Variants in SLC25A33 observed in about 807,000 individuals in gnomAD.
SLC25A33 encodes the protein bone marrow stromal cell mitochondrial carrier protein.
SLC25A33 carries 15 observed loss-of-function variants against 35.5 expected under a neutral mutation model. The ratio of observed to expected loss-of-function variants is 0.42; its 90% CI spans 0.28 to 0.65. The LOEUF (loss-of-function observed/expected upper bound fraction) is 0.65. SLC25A33 is among the 30% of genes least tolerant of loss of function. The pLI is 0.20. For missense variants in SLC25A33, 257 were observed against 398.5 expected (o/e 0.64, Z 3.02); for synonymous variants, 136 against 148.7 (o/e 0.91, Z 0.62).
intron 6 of SLC25A33, 79 bp downstream of exon 6, chr1:9,580,313 G>C: frequency 2.6e-6 from 4 of 1,537,876 alleles, no homozygotes; most frequent in Non-Finnish European, 2.6e-6. Flanking sequence ...AGACTTCTGA[G>C]GCGCACATTG....
In SLC25A33 at chr1:9,578,426, C is replaced by T. The variant is rs950062215; in HGVS notation, c.483-1528C>T. On this transcript the variant is annotated intron_variant, in intron 5 of 6. Coordinates refer to ENST00000302692, the MANE Select transcript of SLC25A33 (RefSeq NM_032315.3). The surrounding 1 kb of genome is among the most constrained non-coding windows in gnomAD (Gnocchi z 4.3). ...ACACCTAACTACACTCATCTGGTGG[C>T]TCACTCTTGCCTTGCAGCCAGGCAG... is the stretch of plus-strand genomic sequence containing the variant. Among the ~76,000 whole-genome samples, 1 of 152,244 alleles carries T rather than the reference C, an allele frequency of 6.6e-6. No homozygotes were observed.
chr1:9,584,148 G>A lies in SLC25A33; in HGVS notation c.*1647G>A, dbSNP rs556809193. ...TTGAGTATATTGTACATGAAGGTTG[G>A]TTTTCAATTTGAACGTCTAGAAAGA... On this transcript the variant is annotated 3_prime_UTR_variant, in exon 7 of 7. Coordinates refer to ENST00000302692, the MANE Select transcript of SLC25A33 (RefSeq NM_032315.3). The A allele has an allele frequency of 6.6e-6, 1 of 152,256 alleles. No homozygotes were observed. Among genetic ancestry groups the A allele is most frequent in the East Asian group, 1.9e-4 (1 of 5,188 alleles). The allele number at this position is 152,256 out of a possible 1,614,324, so 9.4% of individuals were successfully genotyped here. A position where few individuals can be genotyped will look rare whatever the true frequency, so the allele number is the denominator to read the frequency against.
rs532308777 is a variant in SLC25A33, at chr1:9,567,341, G to T, written c.294G>T (p.Leu98Phe). 3.1e-6 allele frequency: 5 copies of T among 1,613,936 alleles called. No homozygotes were observed. The highest frequency in any genetic ancestry group is 1.7e-5 in the Admixed American group (1 of 59,994). The change falls in exon 3 of 7, where the codon TTG becomes TTT. Residue 98 changes from leucine (L) to phenylalanine (F), a missense_variant. Transcript: ENST00000302692. ...TTTTTAGAGGCTTGGGTCCAAATTT[G>T]GTTGGAGTTGCACCATCAAGGTAAG... The part of the protein sequence containing the change: ...KSLFRGLGPN[L>F]VGVAPSRAVY...
intron 1 of SLC25A33, among the ~76,000 whole-genome samples, chr1:9,544,295 A>G (rs1297764925): frequency 6.8e-6 from 1 of 147,290 alleles, no homozygotes; most frequent in African/African-American, 2.5e-5. Context: ...TTGAAGCAGC[A>G]TCTCTCTGTG....
In SLC25A33 at chr1:9,539,574, C is replaced by G. The variant is rs1643041529; in HGVS notation, c.-118C>G. On this transcript the variant is annotated 5_prime_UTR_variant, in exon 1 of 7. Coordinates refer to ENST00000302692, the MANE Select transcript of SLC25A33 (RefSeq NM_032315.3). ...GTTGGAGCCCGCGCGCGCATGGAGG[C>G]GTTGCCGGCAGCCCCCTGAGGGCAG... 7 of 712,070 alleles carry G rather than the reference C, an allele frequency of 9.8e-6. No individual in the cohort carries two copies. Among genetic ancestry groups the G allele is most frequent in the Non-Finnish European group, 1.3e-5 (7 of 525,480 alleles). 44.1% of individuals were successfully genotyped at this position (712,070 alleles called of 1,614,324 possible).
intron 2 of SLC25A33, among the ~76,000 whole-genome samples, chr1:9,554,638 C>T (rs1176496453): frequency 1.3e-5 from 2 of 152,116 alleles, no homozygotes; most frequent in African/African-American, 2.4e-5. Context: ...GGATTACAGG[C>T]GTGAGCCACC....
intron 5 of SLC25A33, among the ~76,000 whole-genome samples, chr1:9,573,996 TG>T (rs1262941344): frequency 6.6e-6 from 1 of 152,116 alleles, no homozygotes; most frequent in Non-Finnish European, 1.5e-5. Flanking sequence ...GTTGTTGTTT[TG>T]TTTTTTTGTT....
chr1:9,564,739 A>AAAAATATATATATATATATATAT (rs60174872), intron 2 of SLC25A33, among the ~76,000 whole-genome samples: 3 of 96,582 alleles, frequency 3.1e-5, no homozygotes, highest in African/African-American at 4.4e-5. Flanking sequence ...AAAAAAAAAA[A>AAAAATATATATATATATATATAT]ATATATATAT....
Position 9,580,016 on chromosome 1 carries a change from G to A in SLC25A33, c.545G>A (p.Gly182Asp), listed in dbSNP as rs141639822. 6 of 1,613,536 alleles carry A rather than the reference G, an allele frequency of 3.7e-6. No individual in the cohort carries two copies. The highest frequency in any genetic ancestry group is 5.1e-6 in the Non-Finnish European group (6 of 1,179,734). The change falls in exon 6 of 7, where the codon GGC becomes GAC. Residue 182 changes from glycine (G) to aspartate (D), a missense_variant. Gly to Asp is a moderately conservative substitution (Grantham distance 94). Coordinates refer to ENST00000302692, the MANE Select transcript of SLC25A33 (RefSeq NM_032315.3). ...QCARYVYQTE[G>D]IRGFYRGLTA... The stretch of plus-strand genomic sequence containing the variant: ...GCTCGTTACGTTTACCAGACCGAAG[G>A]CATTCGTGGCTTCTATAGAGGATTA...
At chr1:9,554,452 T>C (rs375342810) in intron 2 of SLC25A33, among the ~76,000 whole-genome samples, 15 of 152,232 alleles carry the variant, frequency 9.9e-5, no homozygotes, top group Non-Finnish European at 2.1e-4. Flanking sequence ...CTCTGCCTCC[T>C]GGATTCAAGC....
At chr1:9,569,973 G>C (rs1164926035) in intron 3 of SLC25A33, among the ~76,000 whole-genome samples, 1 of 152,052 alleles carries the variant, frequency 6.6e-6, no homozygotes, top group Non-Finnish European at 1.5e-5. Flanking sequence ...CATTTATCCA[G>C]AACGAAGAAT....
At chr1:9,569,954 A>C (rs559400173) in intron 3 of SLC25A33, among the ~76,000 whole-genome samples, 15 of 152,374 alleles carry the variant, frequency 9.8e-5, no homozygotes, top group Non-Finnish European at 1.8e-4. Context: ...TTGAAGCTTA[A>C]AGGATTAGCA....
intron 4 of SLC25A33, among the ~76,000 whole-genome samples, chr1:9,572,093 T>C (rs1643598280): frequency 3.3e-5 from 5 of 152,224 alleles, no homozygotes; most frequent in African/African-American, 9.6e-5. Flanking sequence ...TAATTATTTC[T>C]AGACCCTGAA....
Position 9,567,272 on chromosome 1 carries a change from CTTAT to C in SLC25A33, c.237-10_237-7del. 6.2e-7 allele frequency: 1 copy of C among 1,612,682 alleles called. No homozygotes were observed. On this transcript the variant is annotated splice_region_variant and splice_polypyrimidine_tract_variant and intron_variant, in intron 2 of 6. Transcript: ENST00000302692. ...GAGGGGTTTTAAAGGTTTGTCTTTT[CTTAT>C]TATTCAGGTCGATCTTGGAGAAAGA...
At chr1:9,543,150 T>TA (rs1314393068) in intron 1 of SLC25A33, among the ~76,000 whole-genome samples, 5 of 151,710 alleles carry the variant, frequency 3.3e-5, no homozygotes, top group African/African-American at 1.2e-4. Flanking sequence ...TTTATTTATT[T>TA]ATTTATTTTT....
chr1:9,550,106 T>C (rs956372665), intron 1 of SLC25A33, among the ~76,000 whole-genome samples: 5 of 142,020 alleles, frequency 3.5e-5, no homozygotes, highest in African/African-American at 1.3e-4. Flanking sequence ...TTGACCTCCT[T>C]GGGTTCAGGT....
chr1:9,566,528 G>C (rs1250432331), intron 2 of SLC25A33, among the ~76,000 whole-genome samples: 1 of 152,126 alleles, frequency 6.6e-6, no homozygotes, highest in Non-Finnish European at 1.5e-5. Flanking sequence ...GGATTTCATT[G>C]TATAGTACAG....
intron 2 of SLC25A33, among the ~76,000 whole-genome samples, chr1:9,564,742 AT>A (rs57112691): frequency 0.27 from 22,877 of 85,038 alleles, 2,453 homozygotes; most frequent in South Asian, 0.33. Flanking sequence ...AAAAAAAAAT[AT>A]ATATATATAT....
At chr1:9,577,744 A>AT (rs1219583481) in intron 5 of SLC25A33, among the ~76,000 whole-genome samples, 2 of 152,116 alleles carry the variant, frequency 1.3e-5, no homozygotes, top group Non-Finnish European at 2.9e-5. Context: ...TCCAGGGGAC[A>AT]TTCAGCATTT....
Sources: allele counts gnomAD v4.1 joint callset (sites outside exome capture counted in the v4.1 genomes callset), GRCh38; gene constraint gnomAD v4.1.1; non-coding constraint Gnocchi (gnomAD v3.1); transcripts MANE v1.5; gene names NCBI Gene and HGNC (gene_info 2026-07-23, HGNC 2026-07-21).